The following GPC6 variants were observed in gnomAD, a reference collection of about 807,000 sequenced individuals.
GPC6 encodes glypican 6.
A neutral mutation model predicts 55.2 loss-of-function variants in GPC6; 14 were observed. The observed-to-expected ratio is 0.25, with a 90% confidence interval of 0.17 to 0.40. The LOEUF (loss-of-function observed/expected upper bound fraction) is 0.40, where lower values mean the gene tolerates loss of function less well. Ranked by LOEUF, GPC6 falls within the 10% of genes least tolerant of loss-of-function variation. GPC6 has a pLI of 1.00. For missense variants in GPC6, 641 were observed against 708.5 expected (o/e 0.90, Z 1.08); for synonymous variants, 278 against 259.6 (o/e 1.07, Z -0.68).
At chr13:94,040,312 A>AATATG (rs1883486140) in intron 4 of GPC6, among the ~76,000 whole-genome samples, 1 of 151,828 alleles carries the variant, frequency 6.6e-6, no homozygotes, top group Non-Finnish European at 1.5e-5. Flanking sequence ...ACGAAAACAC[A>AATATG]ATATGTAAGG....
intron 4 of GPC6, among the ~76,000 whole-genome samples, chr13:94,088,260 G>A (rs920667118): frequency 1.1e-4 from 17 of 152,114 alleles, no homozygotes; most frequent in African/African-American, 3.9e-4. Context: ...ATAATTCAGA[G>A]CCTGATACAT....
intron 2 of GPC6, among the ~76,000 whole-genome samples, chr13:93,729,909 C>T (rs1053161917): frequency 6.6e-6 from 1 of 152,046 alleles, no homozygotes; most frequent in East Asian, 1.9e-4. Flanking sequence ...ATGGCAAATA[C>T]AAGAATAGTA....
intron 1 of GPC6, among the ~76,000 whole-genome samples, chr13:93,527,706 T>A (rs946588191): frequency 1.3e-5 from 2 of 152,148 alleles, no homozygotes; most frequent in Admixed American, 6.6e-5. Flanking sequence ...GGCTGTCTCC[T>A]TTTTGTTGGC....
chr13:94,122,545 G>A (rs1165198989), intron 4 of GPC6, among the ~76,000 whole-genome samples: 1 of 152,044 alleles, frequency 6.6e-6, no homozygotes, highest in Non-Finnish European at 1.5e-5. Context: ...TTTGATCTGA[G>A]ACTCGTTACA....
chr13:93,635,738 A>T (rs1879663499), intron 2 of GPC6, among the ~76,000 whole-genome samples: 2 of 152,198 alleles, frequency 1.3e-5, no homozygotes, highest in South Asian at 4.1e-4. Context: ...ACGTTACTTC[A>T]GTTTTGATAT....
intron 2 of GPC6, among the ~76,000 whole-genome samples, chr13:93,789,528 T>C (rs1329905738): frequency 1.5e-5 from 2 of 136,784 alleles, no homozygotes; most frequent in South Asian, 2.3e-4. Flanking sequence ...TATATATATA[T>C]ATATATAGTC....
intron 2 of GPC6, among the ~76,000 whole-genome samples, chr13:93,620,696 A>G (rs751957077): frequency 2.0e-5 from 3 of 152,172 alleles, no homozygotes; most frequent in Non-Finnish European, 4.4e-5. Flanking sequence ...TCTTCATTTT[A>G]TTGTGGTTTT....
intron 2 of GPC6, among the ~76,000 whole-genome samples, chr13:93,756,659 G>T (rs117219811): frequency 0.018 from 2,815 of 152,196 alleles, 34 homozygotes; most frequent in Non-Finnish European, 0.029. Context: ...TCTTTGTAGC[G>T]CTTTGTGTAC....
chr13:94,060,888 A>AGT (rs1884298435), intron 4 of GPC6, among the ~76,000 whole-genome samples: 1 of 152,218 alleles, frequency 6.6e-6, no homozygotes, highest in South Asian at 2.1e-4. Flanking sequence ...GGTGCTGTTG[A>AGT]AAGTAATTGT....
chr13:93,520,896 C>T (rs1356640465), intron 1 of GPC6, among the ~76,000 whole-genome samples: 1 of 151,782 alleles, frequency 6.6e-6, no homozygotes, highest in African/African-American at 2.4e-5. Flanking sequence ...AGAAACCCAC[C>T]TTTTTACTTC....
intron 3 of GPC6, among the ~76,000 whole-genome samples, chr13:93,889,971 CA>C (rs1000526576): frequency 2.0e-5 from 3 of 150,332 alleles, no homozygotes; most frequent in East Asian, 1.9e-4. Context: ...ATCATTAAAT[CA>C]AAAAAAAATT....
intron 4 of GPC6, among the ~76,000 whole-genome samples, chr13:94,266,160 T>TTTTTTTTG (rs1555313268): frequency 4.1e-4 from 61 of 148,186 alleles, no homozygotes; most frequent in African/African-American, 1.4e-3. Flanking sequence ...TCTTTTTTTT[T>TTTTTTTTG]TTTGTTTGTT....
At chr13:94,323,559 G>T (rs1261843765) in intron 6 of GPC6, among the ~76,000 whole-genome samples, 2 of 152,136 alleles carry the variant, frequency 1.3e-5, no homozygotes, top group African/African-American at 4.8e-5. Flanking sequence ...TGGACATAAA[G>T]TGTGGAGTAA....
intron 4 of GPC6, among the ~76,000 whole-genome samples, chr13:94,210,108 A>G (rs1256238462): frequency 1.3e-5 from 2 of 151,974 alleles, no homozygotes; most frequent in Admixed American, 6.6e-5. Flanking sequence ...TTAGTCTCAC[A>G]AAGTGCTGGG....
intron 4 of GPC6, among the ~76,000 whole-genome samples, chr13:94,081,482 A>G (rs575225002): frequency 6.6e-6 from 1 of 152,300 alleles, no homozygotes; most frequent in African/African-American, 2.4e-5. Flanking sequence ...TTGAACGACT[A>G]CTATCCATAA....
intron 2 of GPC6, among the ~76,000 whole-genome samples, chr13:93,585,342 A>G (rs1226278111): frequency 6.6e-6 from 1 of 151,936 alleles, no homozygotes; most frequent in Non-Finnish European, 1.5e-5. Flanking sequence ...ATGTTAAAAC[A>G]CACACACACA....
chr13:93,836,966 G>C (rs1185822267), intron 3 of GPC6, among the ~76,000 whole-genome samples: 1 of 152,130 alleles, frequency 6.6e-6, no homozygotes, highest in Non-Finnish European at 1.5e-5. Flanking sequence ...CCAGCAGTAA[G>C]AAAGTTTCAC....
At chr13:93,978,964 A>G (rs1880649077) in intron 3 of GPC6, among the ~76,000 whole-genome samples, 1 of 152,188 alleles carries the variant, frequency 6.6e-6, no homozygotes, top group Non-Finnish European at 1.5e-5. Flanking sequence ...TGATGAGAAG[A>G]TGGACAAACT....
intron 1 of GPC6, among the ~76,000 whole-genome samples, chr13:93,239,212 G>A (rs552614778): frequency 6.6e-6 from 1 of 151,872 alleles, no homozygotes; most frequent in South Asian, 2.1e-4. Flanking sequence ...GCTGGTCCTG[G>A]GCTTCATGTT....
Sources: gnomAD v4.1 joint callset for allele counts (sites outside exome capture counted in the v4.1 genomes callset) on GRCh38, gnomAD v4.1.1 for gene constraint, MANE v1.5 for transcripts, NCBI Gene and HGNC (gene_info 2026-07-23, HGNC 2026-07-21) for gene names.